The following TTLL11 variants were observed in gnomAD, a reference collection of about 807,000 sequenced individuals.
TTLL11 encodes tubulin tyrosine ligase like 11, also known as tubulin polyglutamylase TTLL11.
Under a neutral mutation model 51.7 loss-of-function variants are expected in TTLL11, and 42 were observed. The observed-to-expected ratio is 0.81, with a 90% CI of 0.64 to 1.05. The LOEUF is 1.05. Among genes scored for constraint, TTLL11 ranks in the 50% least tolerant of loss-of-function variants. The probability of loss-of-function intolerance (pLI) is 0.00; values close to 1 mark genes in which losing one functional copy is unlikely to be tolerated. For missense variants in TTLL11, 799 were observed against 940.4 expected, an observed-to-expected ratio of 0.85 and a Z score of 1.97; for synonymous variants, 381 against 383.5, an observed-to-expected ratio of 0.99 and a Z score of 0.08.
chr9:121,997,385 C>T (rs1481255929), intron 3 of TTLL11, among the ~76,000 whole-genome samples: 1 of 152,144 alleles, frequency 6.6e-6, no homozygotes, highest in Non-Finnish European at 1.5e-5. Flanking sequence ...CAGTGCAGTC[C>T]CAGCCAGCCT....
At chr9:122,009,445 T>C (rs553375027) in intron 3 of TTLL11, among the ~76,000 whole-genome samples, 2 of 152,042 alleles carry the variant, frequency 1.3e-5, no homozygotes, top group East Asian at 3.9e-4. Flanking sequence ...GCTTTTTTGA[T>C]GTGAAAATCT....
Position 121,893,606 on chromosome 9 carries a change from G to A in TTLL11, c.1482-22858C>T, listed in dbSNP as rs562664636. Among the ~76,000 whole-genome samples, 70 of 152,244 alleles carry A rather than the reference G, an allele frequency of 4.6e-4. No homozygotes were observed. The Middle Eastern group carries it at 0.01, about 22-fold the overall frequency. Reference sequence around the variant, plus strand: ...ACATGTCCTTTCCCCACTCTGCGATGTTCCTTCCCACTTAACAAGGAAGAA... The same window carrying A: ...ACATGTCCTTTCCCCACTCTGCGATATTCCTTCCCACTTAACAAGGAAGAA... On this transcript the variant is annotated intron_variant, in intron 6 of 8. Coordinates refer to ENST00000321582, the MANE Select transcript of TTLL11 (RefSeq NM_001139442.2).
At chr9:121,900,787 A>G (rs1839744612) in intron 6 of TTLL11, among the ~76,000 whole-genome samples, 1 of 152,142 alleles carries the variant, frequency 6.6e-6, no homozygotes, top group South Asian at 2.1e-4. Context: ...CATTAAACCC[A>G]CTGAGTTCCT....
At position 121,989,250 on chromosome 9, in the gene TTLL11, T is replaced by TC; in HGVS notation, c.1213_1214insG (p.Lys405ArgfsTer24). On this transcript the variant is annotated frameshift_variant, in exon 4 of 9. Coordinates refer to ENST00000321582, the MANE Select transcript of TTLL11 (RefSeq NM_001139442.2). LOFTEE classifies it high-confidence loss of function. This position sits in a 1 kb window ranked among gnomAD's most constrained non-coding sequence, Gnocchi z 4.2. ...GGGGATGTCTGACTGGTAGAAGACT[T>TC]TGAGCTCTGGAGTCAGCGCGATGAC... 2.5e-6 allele frequency: 4 copies of TC among 1,614,132 alleles called. No individual in the cohort carries two copies. Among genetic ancestry groups the TC allele is most frequent in the Middle Eastern group, 3.3e-4 (2 of 6,060 alleles).
intron 6 of TTLL11, among the ~76,000 whole-genome samples, chr9:121,880,159 C>T (rs1405744482): frequency 1.3e-5 from 2 of 152,122 alleles, no homozygotes; most frequent in African/African-American, 4.8e-5. Context: ...GAATAGTTGG[C>T]CACTGCCTTT....
chr9:121,911,981 G>A (rs957180871), intron 6 of TTLL11, among the ~76,000 whole-genome samples: 2 of 152,118 alleles, frequency 1.3e-5, no homozygotes, highest in African/African-American at 4.8e-5. Flanking sequence ...GCAGCATACA[G>A]GTGATCACCC....
intron 6 of TTLL11, among the ~76,000 whole-genome samples, chr9:121,932,258 A>C (rs1269115820): frequency 1.3e-5 from 2 of 152,182 alleles, no homozygotes; most frequent in Non-Finnish European, 2.9e-5. Flanking sequence ...CATGTATACT[A>C]TACATAAAAA....
intron 4 of TTLL11, among the ~76,000 whole-genome samples, chr9:121,977,389 A>G (rs1842734579): frequency 6.6e-6 from 1 of 152,220 alleles, no homozygotes; most frequent in Non-Finnish European, 1.5e-5. Flanking sequence ...TGATAATGGC[A>G]GTGAAAAGCA....
chr9:121,860,519 G>A, intron 7 of TTLL11, 76 bp from the exon 8 acceptor site: 1 of 1,209,016 alleles, frequency 8.3e-7, no homozygotes, highest in Non-Finnish European at 1.2e-6. Flanking sequence ...CTCCTGTTAG[G>A]GACTGAATGT....
intron 3 of TTLL11, among the ~76,000 whole-genome samples, chr9:122,017,704 G>C (rs1844029074): frequency 6.6e-6 from 1 of 152,138 alleles, no homozygotes; most frequent in South Asian, 2.1e-4. Context: ...CTTGTGATCT[G>C]CCTGTCTTGG....
intron 6 of TTLL11, among the ~76,000 whole-genome samples, chr9:121,973,230 G>A (rs1350902384): frequency 4.6e-5 from 7 of 152,208 alleles, no homozygotes; most frequent in Non-Finnish European, 8.8e-5. Context: ...GGGTGGGGAC[G>A]AAGCAGAATT....
At chr9:122,051,988 A>C (rs1231831963) in intron 1 of TTLL11, among the ~76,000 whole-genome samples, 1 of 152,222 alleles carries the variant, frequency 6.6e-6, no homozygotes, top group East Asian at 1.9e-4. Flanking sequence ...AGACAAAGAA[A>C]GGACTAAGCA....
intron 6 of TTLL11, among the ~76,000 whole-genome samples, chr9:121,907,433 A>C (rs890481371): frequency 2.0e-5 from 3 of 150,062 alleles, no homozygotes; most frequent in African/African-American, 7.5e-5. Flanking sequence ...CTGGGAAACA[A>C]GAGCAAAACT....
chr9:121,991,269 A>T (rs1843103291), intron 3 of TTLL11, among the ~76,000 whole-genome samples: 1 of 152,296 alleles, frequency 6.6e-6, no homozygotes, highest in Non-Finnish European at 1.5e-5. Context: ...GGGCACTATC[A>T]CTTATTCTGG....
At chr9:121,907,535 T>A (rs1440010791) in intron 6 of TTLL11, among the ~76,000 whole-genome samples, 1 of 151,974 alleles carries the variant, frequency 6.6e-6, no homozygotes, top group Non-Finnish European at 1.5e-5. Context: ...CAAATCCAGA[T>A]AGGATAAGAG....
At chr9:121,887,398 G>C (rs1839049981) in intron 6 of TTLL11, among the ~76,000 whole-genome samples, 1 of 152,190 alleles carries the variant, frequency 6.6e-6, no homozygotes, top group Non-Finnish European at 1.5e-5. Context: ...AAGGGAGTCA[G>C]GTCCCCAGGC....
chr9:122,041,519 A>C (rs1844845062), intron 1 of TTLL11, among the ~76,000 whole-genome samples: 1 of 152,246 alleles, frequency 6.6e-6, no homozygotes, highest in Non-Finnish European at 1.5e-5. Flanking sequence ...CATATGTAGA[A>C]AACTCTAATG....
At chr9:121,875,604 A>G (rs770345052) in intron 6 of TTLL11, among the ~76,000 whole-genome samples, 24 of 152,206 alleles carry the variant, frequency 1.6e-4, no homozygotes, top group Non-Finnish European at 4.4e-5. Flanking sequence ...TACATCTGAT[A>G]TGTAAGAGGA....
At chr9:122,056,345 T>C (rs1482220490) in intron 1 of TTLL11, among the ~76,000 whole-genome samples, 1 of 152,216 alleles carries the variant, frequency 6.6e-6, no homozygotes, top group Non-Finnish European at 1.5e-5. Flanking sequence ...TGAAAATGGC[T>C]ACTATTTATG....
Sources: gnomAD v4.1 joint callset for allele counts (sites outside exome capture counted in the v4.1 genomes callset) on GRCh38, gnomAD v4.1.1 for gene constraint, Gnocchi (gnomAD v3.1) non-coding constraint, MANE v1.5 for transcripts, NCBI Gene and HGNC (gene_info 2026-07-23, HGNC 2026-07-21) for gene names.